HTR4: variants seen among roughly 807,000 people sequenced by gnomAD.
The protein encoded by HTR4 is 5-hydroxytryptamine receptor 4.
In HTR4, 16 loss-of-function variants were observed where a neutral mutation model predicts 36.8. The observed-to-expected ratio is 0.43, with a 90% CI of 0.29 to 0.66. HTR4 has a LOEUF of 0.66. Among genes scored for constraint, HTR4 ranks in the 30% least tolerant of loss-of-function variants. HTR4 has a pLI of 0.13. For missense variants in HTR4, 438 were observed against 490.9 expected (o/e 0.89, Z 1.02); for synonymous variants, 189 against 185.1 (o/e 1.02, Z -0.17).
At chr5:148,559,957 A>G (rs1001106036) in intron 2 of HTR4, among the ~76,000 whole-genome samples, 5 of 152,020 alleles carry the variant, frequency 3.3e-5, no homozygotes, top group Non-Finnish European at 7.4e-5. Context: ...TTGCTTTATC[A>G]TGCTCTGAAT....
intron 2 of HTR4, among the ~76,000 whole-genome samples, chr5:148,599,725 T>C (rs776705796): frequency 2.0e-5 from 3 of 152,074 alleles, no homozygotes; most frequent in Non-Finnish European, 4.4e-5. Context: ...TAAATTCAAA[T>C]TATTTATTAC....
intron 2 of HTR4, among the ~76,000 whole-genome samples, chr5:148,632,993 T>C (rs907716592): frequency 6.6e-6 from 1 of 152,066 alleles, no homozygotes; most frequent in Non-Finnish European, 1.5e-5. Flanking sequence ...TGTTTCCATT[T>C]TTCTTTCTTC....
rs1423762236 is a variant in HTR4 at position 148,548,667 on chromosome 5, C to T, written c.353+1G>A. 1 of 1,597,420 alleles carries T rather than the reference C, an allele frequency of 6.3e-7. No homozygotes were observed. The highest frequency in any genetic ancestry group is 2.3e-5 in the East Asian group (1 of 43,750). On this transcript the variant is annotated splice_donor_variant, in intron 4 of 6. Transcript: ENST00000377888. LOFTEE classifies it high-confidence loss of function. Reference sequence around the variant, plus strand: ...CGCTATGCACATTGTTCTGTCCTTACCTATCCAGAGAAATGCAGCACAGGT... The same window carrying T: ...CGCTATGCACATTGTTCTGTCCTTATCTATCCAGAGAAATGCAGCACAGGT...
At chr5:148,584,460 T>TA (rs1444170532) in intron 2 of HTR4, among the ~76,000 whole-genome samples, 2 of 152,122 alleles carry the variant, frequency 1.3e-5, no homozygotes, top group Non-Finnish European at 2.9e-5. Flanking sequence ...TATTTATATA[T>TA]AAAAAAACTC....
At chr5:148,570,967 G>T (rs1038885265) in intron 2 of HTR4, among the ~76,000 whole-genome samples, 1 of 152,046 alleles carries the variant, frequency 6.6e-6, no homozygotes, top group Non-Finnish European at 1.5e-5. Flanking sequence ...CCTAGGGGAT[G>T]TTTGAGATAT....
chr5:148,511,468 G>A (rs539969929), intron 5 of HTR4, among the ~76,000 whole-genome samples: 3 of 152,000 alleles, frequency 2.0e-5, no homozygotes, highest in African/African-American at 4.8e-5. Flanking sequence ...ATTATTGCAT[G>A]TACAGGCAGT....
intron 6 of HTR4, among the ~76,000 whole-genome samples, chr5:148,502,000 C>T (rs1420132339): frequency 6.6e-6 from 1 of 151,392 alleles, no homozygotes. Flanking sequence ...GCAGAGCTTG[C>T]AGTGAGCCCA....
intron 4 of HTR4, among the ~76,000 whole-genome samples, chr5:148,524,907 T>C (rs1301664248): frequency 5.3e-5 from 8 of 152,142 alleles, no homozygotes; most frequent in Non-Finnish European, 1.2e-4. Flanking sequence ...GAGAGCCCCG[T>C]GTTGGAGCAC....
intron 2 of HTR4, among the ~76,000 whole-genome samples, chr5:148,605,620 T>C (rs1331344834): frequency 6.6e-6 from 1 of 152,012 alleles, no homozygotes; most frequent in Non-Finnish European, 1.5e-5. Flanking sequence ...AGTTACTACC[T>C]ATATTGAAGG....
At chr5:148,492,202 C>T (rs756498351) in intron 6 of HTR4, among the ~76,000 whole-genome samples, 8 of 152,108 alleles carry the variant, frequency 5.3e-5, no homozygotes, top group East Asian at 1.9e-4. Context: ...GGTGCACCTA[C>T]GGAGCAAAAG....
intron 2 of HTR4, among the ~76,000 whole-genome samples, chr5:148,594,310 A>G (rs531870313): frequency 3.3e-5 from 5 of 152,028 alleles, no homozygotes; most frequent in Non-Finnish European, 5.9e-5. Flanking sequence ...GTTGAGATCA[A>G]TAAGTTCTTT....
chr5:148,540,552 A>ACTT (rs1292676323), intron 4 of HTR4, among the ~76,000 whole-genome samples: 1 of 150,804 alleles, frequency 6.6e-6, no homozygotes, highest in Non-Finnish European at 1.5e-5. Context: ...GTAAAAGATG[A>ACTT]CTTCAAAAAG....
intron 1 of HTR4, among the ~76,000 whole-genome samples, chr5:148,653,047 T>G (rs1288103421): frequency 6.6e-6 from 1 of 151,930 alleles, no homozygotes; most frequent in South Asian, 2.1e-4. Flanking sequence ...CGCAGCAACA[T>G]CTCCCTTGGT....
intron 2 of HTR4, chr5:148,629,936 G>C (rs1387742356): frequency 6.6e-6 from 1 of 152,168 alleles, no homozygotes; most frequent in Non-Finnish European, 1.5e-5. Flanking sequence ...TTCCAAATGA[G>C]AGATTCAACA....
chr5:148,634,416 C>T (rs902599522), intron 2 of HTR4, among the ~76,000 whole-genome samples: 4 of 152,180 alleles, frequency 2.6e-5, no homozygotes, highest in Admixed American at 2.6e-4. Flanking sequence ...GAAGGCAATG[C>T]AGTTTTATGA....
chr5:148,570,913 T>C (rs1760648607), intron 2 of HTR4, among the ~76,000 whole-genome samples: 1 of 151,950 alleles, frequency 6.6e-6, no homozygotes, highest in South Asian at 2.1e-4. Context: ...TCGATACCAG[T>C]CAACCTATCT....
In HTR4 at chr5:148,482,069, C is replaced by T. The variant is rs1755911870; in HGVS notation, c.*1134G>A. On this transcript the variant is annotated 3_prime_UTR_variant, in exon 7 of 7. Transcript: ENST00000377888. ...AAAGTGGGGTCCAGAGATGAAAGAA[C>T]ACTATTCAAGATCTCACAGCTTGTT... 1 of 980,266 alleles carries T rather than the reference C, an allele frequency of 1.0e-6. No individual in the cohort carries two copies. Among genetic ancestry groups the T allele is most frequent in the Non-Finnish European group, 1.2e-6 (1 of 824,980 alleles). 60.7% of individuals were successfully genotyped at this position (980,266 alleles called of 1,614,324 possible). A position where few individuals can be genotyped will look rare whatever the true frequency, so the allele number is the denominator to read the frequency against.
intron 2 of HTR4, among the ~76,000 whole-genome samples, chr5:148,561,501 T>C (rs538255120): frequency 8.3e-4 from 126 of 152,336 alleles, no homozygotes; most frequent in Non-Finnish European, 1.6e-3. Flanking sequence ...GGTCTCTCTT[T>C]AAGAAAACCC....
At chr5:148,609,583 T>G (rs1185022432) in intron 2 of HTR4, among the ~76,000 whole-genome samples, 3 of 113,572 alleles carry the variant, frequency 2.6e-5, no homozygotes, top group Admixed American at 2.4e-4. Context: ...TTTTAAGGGT[T>G]TTTTTTTTTT....
Sources: gnomAD v4.1 joint callset for allele counts (sites outside exome capture counted in the v4.1 genomes callset) on GRCh38, gnomAD v4.1.1 for gene constraint, MANE v1.5 for transcripts, NCBI Gene and HGNC (gene_info 2026-07-23, HGNC 2026-07-21) for gene names.